The following CCDC85A variants were observed in gnomAD, a reference collection of about 807,000 sequenced individuals.
The protein encoded by CCDC85A is coiled-coil domain containing 85A, also known as coiled-coil domain-containing protein 85A.
In CCDC85A, 38 loss-of-function variants were observed where a neutral mutation model predicts 50.2. That is an observed-to-expected ratio of 0.76 (90% CI 0.58 to 0.99). CCDC85A has a LOEUF of 0.99. Among genes scored for constraint, CCDC85A ranks in the 50% least tolerant of loss-of-function variants. The pLI is 0.00. For synonymous variants in CCDC85A, 366 were observed against 301.4 expected, an observed-to-expected ratio of 1.21 and a Z score of -2.22; for missense variants, 820 against 742.0, an observed-to-expected ratio of 1.11 and a Z score of -1.22.
intron 3 of CCDC85A, among the ~76,000 whole-genome samples, chr2:56,358,698 C>G (rs1216662037): frequency 6.6e-6 from 1 of 152,190 alleles, no homozygotes; most frequent in Non-Finnish European, 1.5e-5. Context: ...GGATTTAACT[C>G]TGGCAGTAGT....
chr2:56,295,412 T>G (rs1245676787), intron 2 of CCDC85A, among the ~76,000 whole-genome samples: 1 of 152,226 alleles, frequency 6.6e-6, no homozygotes, highest in Admixed American at 6.5e-5. Flanking sequence ...GGGCAGATTT[T>G]GCCTATGGCA....
Position 56,184,560 on chromosome 2 carries a change from C to G in CCDC85A, c.-65C>G. On this transcript the variant is annotated 5_prime_UTR_variant, in exon 1 of 6. Coordinates refer to ENST00000407595, the MANE Select transcript of CCDC85A (RefSeq NM_001080433.2). ...GGTGTGGGCGGAGGCGGCCTCGCCG[C>G]GCCCGCGCCTTCGGGAGTCGCCTCG... The G allele has an allele frequency of 2.2e-6, 3 of 1,358,148 alleles. No homozygotes were observed. The highest frequency in any genetic ancestry group is 2.8e-6 in the Non-Finnish European group (3 of 1,063,744). The allele number at this position is 1,358,148 out of a possible 1,614,324, so 84.1% of individuals were successfully genotyped here.
chr2:56,226,709 A>G (rs941071090), intron 2 of CCDC85A, among the ~76,000 whole-genome samples: 1 of 152,038 alleles, frequency 6.6e-6, no homozygotes, highest in Non-Finnish European at 1.5e-5. Flanking sequence ...AGTAATGGCA[A>G]CCATTCCCCA....
intron 4 of CCDC85A, 27 bp from the exon 5 acceptor site, chr2:56,375,789 T>C: frequency 1.2e-6 from 2 of 1,610,480 alleles, no homozygotes; most frequent in Non-Finnish European, 1.7e-6. Flanking sequence ...TTTGTTTTAA[T>C]AACAAAGTTG....
In CCDC85A at chr2:56,282,573, G is replaced by A. The variant is rs141322422; in HGVS notation, c.1241-60306G>A. On this transcript the variant is annotated intron_variant, in intron 2 of 5. Transcript: ENST00000407595. ...TGCCGAGGTTGGAGTGCAATGGCGC[G>A]ATCTCGGCTCACCGCAACCTCCGCC... is the stretch of plus-strand genomic sequence containing the variant. Among the ~76,000 whole-genome samples, 112 of 152,240 alleles carry A rather than the reference G, an allele frequency of 7.4e-4. 1 individual carries two copies. The East Asian group carries it at 0.02, about 27-fold the overall frequency.
intron 3 of CCDC85A, among the ~76,000 whole-genome samples, chr2:56,353,851 A>C (rs1441572794): frequency 2.0e-5 from 3 of 152,220 alleles, no homozygotes; most frequent in Non-Finnish European, 4.4e-5. Context: ...ATTTAAGAAG[A>C]AAATGCCTTG....
intron 2 of CCDC85A, among the ~76,000 whole-genome samples, chr2:56,202,340 A>G (rs1384835196): frequency 2.0e-5 from 3 of 152,214 alleles, no homozygotes; most frequent in Non-Finnish European, 2.9e-5. Context: ...GAGTATTCCT[A>G]TTCCTAACCT....
At chr2:56,265,931 G>A (rs1004745744) in intron 2 of CCDC85A, among the ~76,000 whole-genome samples, 2 of 152,136 alleles carry the variant, frequency 1.3e-5, no homozygotes, top group Non-Finnish European at 2.9e-5. Flanking sequence ...TAAAAATGTA[G>A]AATATATACA....
chr2:56,258,974 C>T (rs1054008978), intron 2 of CCDC85A, among the ~76,000 whole-genome samples: 9 of 152,106 alleles, frequency 5.9e-5, no homozygotes, highest in Non-Finnish European at 7.4e-5. Flanking sequence ...TGCTGAAGGT[C>T]GGGTGACTTA....
intron 2 of CCDC85A, among the ~76,000 whole-genome samples, chr2:56,329,943 C>CTTTTTTTTTTTTTTTTTTTTTTTTTTTTT (rs1336192523): frequency 8.7e-5 from 2 of 22,894 alleles, no homozygotes; most frequent in Non-Finnish European, 9.3e-5. Context: ...TACAGATTTC[C>CTTTTTTTTTTTTTTTTTTTTTTTTTTTTT]TGTTTTTTTT....
chr2:56,311,211 C>T (rs1371946846), intron 2 of CCDC85A, among the ~76,000 whole-genome samples: 1 of 152,094 alleles, frequency 6.6e-6, no homozygotes, highest in Non-Finnish European at 1.5e-5. Flanking sequence ...ACTTTCATGT[C>T]TCAAATTCTA....
intron 2 of CCDC85A, among the ~76,000 whole-genome samples, chr2:56,258,942 T>A (rs927450933): frequency 6.6e-6 from 1 of 152,176 alleles, no homozygotes; most frequent in African/African-American, 2.4e-5. Context: ...GAGCTAAGGC[T>A]TTTGAGAAAG....
chr2:56,296,554 G>A (rs1172430180), intron 2 of CCDC85A, among the ~76,000 whole-genome samples: 2 of 152,130 alleles, frequency 1.3e-5, no homozygotes, highest in African/African-American at 2.4e-5. Context: ...CTAGAGTAGG[G>A]AAAGGAATTT....
At chr2:56,191,548 A>G (rs1261229302) in intron 1 of CCDC85A, among the ~76,000 whole-genome samples, 1 of 152,250 alleles carries the variant, frequency 6.6e-6, no homozygotes, top group African/African-American at 2.4e-5. Context: ...GATGAGCTAA[A>G]TTTTGGAAGT....
chr2:56,204,307 T>G (rs143245538), intron 2 of CCDC85A, among the ~76,000 whole-genome samples: 4 of 152,214 alleles, frequency 2.6e-5, no homozygotes, highest in Non-Finnish European at 5.9e-5. Flanking sequence ...ATTCACTGTT[T>G]TGGAATAATA....
At chr2:56,353,843 T>A (rs551575824) in intron 3 of CCDC85A, among the ~76,000 whole-genome samples, 21 of 152,160 alleles carry the variant, frequency 1.4e-4, no homozygotes, top group Admixed American at 2.6e-4. Context: ...TAGGCATTAT[T>A]TAAGAAGAAA....
At chr2:56,341,450 C>T (rs986535152) in intron 2 of CCDC85A, among the ~76,000 whole-genome samples, 1 of 152,136 alleles carries the variant, frequency 6.6e-6, no homozygotes, top group Admixed American at 6.5e-5. Flanking sequence ...GACTAGCTAC[C>T]TAATGTAACA....
intron 2 of CCDC85A, among the ~76,000 whole-genome samples, chr2:56,212,313 C>G (rs1677211307): frequency 6.6e-6 from 1 of 152,020 alleles, no homozygotes; most frequent in South Asian, 2.1e-4. Context: ...TAGAAGCCAT[C>G]TTTTGTCTAC....
chr2:56,383,672 C>A, intron 5 of CCDC85A: 1 of 985,016 alleles, frequency 1.0e-6, no homozygotes. Flanking sequence ...CTGATGACCC[C>A]ACTCTGTAGA....
Sources: allele counts gnomAD v4.1 joint callset (sites outside exome capture counted in the v4.1 genomes callset), GRCh38; gene constraint gnomAD v4.1.1; transcripts MANE v1.5; gene names NCBI Gene and HGNC (gene_info 2026-07-23, HGNC 2026-07-21).